The following CASZ1 variants were observed in gnomAD, a reference collection of about 807,000 sequenced individuals.
CASZ1 encodes zinc finger protein castor homolog 1.
A neutral mutation model predicts 135.2 loss-of-function variants in CASZ1; 28 were observed. The observed-to-expected ratio is 0.21, with a 90% CI of 0.15 to 0.28. The LOEUF is 0.28. CASZ1 is among the 10% of genes least tolerant of loss of function. CASZ1 has a pLI of 1.00. For synonymous variants in CASZ1, 1,068 were observed against 1,073.4 expected (o/e 0.99, Z 0.10); for missense variants, 2,161 against 2,453.3 (o/e 0.88, Z 2.52).
chr1:10,658,492 C>T lies in CASZ1; in HGVS notation c.1409+16G>A, dbSNP rs1642886339. 6.2e-7 allele frequency: 1 copy of T among 1,610,524 alleles called. No individual in the cohort carries two copies. The highest frequency in any genetic ancestry group is 1.7e-5 in the Admixed American group (1 of 60,000). On this transcript the variant is annotated intron_variant, in intron 7 of 20. Transcript: ENST00000377022. ...CCCACCTTCTCTCCACGGCAGGCTC[C>T]TCCCCAGGGGCCTACCTGGCAATAT...
At chr1:10,698,134 GGCAGAC>G (rs1322436138) in intron 3 of CASZ1, among the ~76,000 whole-genome samples, 1 of 152,258 alleles carries the variant, frequency 6.6e-6, no homozygotes, top group Non-Finnish European at 1.5e-5. Flanking sequence ...CCGAGTGTAA[GGCAGAC>G]GCAGGGATTG....
chr1:10,642,065 T>C (rs1256092377), intron 20 of CASZ1: 1 of 147,866 alleles, frequency 6.8e-6, no homozygotes, highest in Non-Finnish European at 1.5e-5. Context: ...TTTACTGGAG[T>C]TGGAGTGGCA....
chr1:10,639,133 C>A lies in CASZ1; in HGVS notation c.5089G>T (p.Asp1697Tyr), dbSNP rs1642104341. ...TCCTCGTCGTCGTCGTCCTCGTCGT[C>A]GTCCTCGTCCTCGTCGTCTTCGGCC... ...EEAEDDEDED[D>Y]DEDDDDEDDD... The change falls in exon 21 of 21, where the codon GAC (aspartate) becomes TAC (tyrosine). Residue 1697 changes from aspartate to tyrosine, a missense_variant. Around this residue, in one of 7 missense-constraint regions of CASZ1, gnomAD observed 185 missense variants for 134.7 expected, o/e 1.37. Coordinates refer to ENST00000377022, the MANE Select transcript of CASZ1 (RefSeq NM_001079843.3). This position sits in a 1 kb window ranked among gnomAD's most constrained non-coding sequence, Gnocchi z 4.0. 2 of 1,125,018 alleles carry A rather than the reference C, an allele frequency of 1.8e-6. No individual in the cohort carries two copies. Among genetic ancestry groups the A allele is most frequent in the South Asian group, 2.4e-5 (1 of 41,582 alleles). 69.7% of individuals were successfully genotyped at this position (1,125,018 alleles called of 1,614,324 possible).
chr1:10,772,757 T>C (rs1298195031), intron 1 of CASZ1, among the ~76,000 whole-genome samples: 1 of 152,128 alleles, frequency 6.6e-6, no homozygotes, highest in East Asian at 1.9e-4. Context: ...CAGGTTTGCT[T>C]CACAGACTCT....
rs56322140 is a variant in CASZ1, at chr1:10,654,237, G to C, written c.1839-19C>G. On this transcript the variant is annotated intron_variant, in intron 10 of 20. Coordinates refer to ENST00000377022, the MANE Select transcript of CASZ1 (RefSeq NM_001079843.3). ...GGGGCGCCTGGATGGGACATTGGGA[G>C]CCTGTCATGAGACCCAGAGGAGGCC... is the stretch of plus-strand genomic sequence containing the variant. The C allele has an allele frequency of 0.065, 104,834 of 1,611,756 alleles. 4,389 individuals carry two copies. Among genetic ancestry groups the C allele is most frequent in the Admixed American group, 0.16 (9,814 of 59,928 alleles).
chr1:10,665,278 G>A lies in CASZ1; in HGVS notation c.310C>T (p.Pro104Ser), dbSNP rs773271516. The A allele has an allele frequency of 1.2e-6, 2 of 1,611,940 alleles. No homozygotes were observed. Among genetic ancestry groups the A allele is most frequent in the Admixed American group, 1.7e-5 (1 of 59,852 alleles). The part of the protein sequence containing the change: ...GEYSEEPAPT[P>S]VLGRIAREGL... ...TCGCGGGCAATCCGCCCCAACACGG[G>A]TGTGGGTGCCGGCTCCTCGCTGTAC... The change falls in exon 5 of 21, where the codon CCC (proline) becomes TCC (serine). Residue 104 changes from proline to serine, a missense_variant. By Grantham distance (74) the Pro-to-Ser change is moderately conservative. Around this residue, in one of 7 missense-constraint regions of CASZ1, gnomAD observed 590 missense variants for 609.8 expected, o/e 0.97. Transcript: ENST00000377022.
rs1049021633 is a variant in CASZ1 at position 10,777,406 on chromosome 1, A to G, written c.-233-16549T>C. On this transcript the variant is annotated intron_variant, in intron 1 of 20. Transcript: ENST00000377022. This position sits in a 1 kb window ranked among gnomAD's most constrained non-coding sequence, Gnocchi z 4.4. ...TTTCTCTTATTGGTCAAACCACCGC[A>G]TCATTCCCACAAAATCCTCTGAGCT... Among the ~76,000 whole-genome samples, 1 of 152,218 alleles carries G rather than the reference A, an allele frequency of 6.6e-6. No homozygotes were observed. The highest frequency in any genetic ancestry group is 2.1e-4 in the South Asian group (1 of 4,820).
chr1:10,791,993 A>T (rs1034645693), intron 1 of CASZ1, among the ~76,000 whole-genome samples: 1 of 151,906 alleles, frequency 6.6e-6, no homozygotes, highest in Non-Finnish European at 1.5e-5. Context: ...TCTACTCGTA[A>T]GCCTCTGTTC....
In CASZ1 at chr1:10,654,530, T is replaced by C; in HGVS notation, c.1727A>G (p.Lys576Arg). 4 of 1,614,252 alleles carry C rather than the reference T, an allele frequency of 2.5e-6. No homozygotes were observed. Among genetic ancestry groups the C allele is most frequent in the Non-Finnish European group, 3.4e-6 (4 of 1,180,046 alleles). The change falls in exon 10 of 21, where the codon AAG (lysine) becomes AGG (arginine). Residue 576 changes from lysine to arginine, a missense_variant. Coordinates refer to ENST00000377022, the MANE Select transcript of CASZ1 (RefSeq NM_001079843.3). ...GTCGTTAATGAGCTGGGTATTCTTC[T>C]TGTGGAAGTTCTCGTGGGTCATCAC... is the stretch of plus-strand genomic sequence containing the variant. ...SDVMTHENFH[K>R]KNTQLINDGF... is the part of the protein sequence containing the mutation.
At chr1:10,783,053 G>A (rs1450070566) in intron 1 of CASZ1, among the ~76,000 whole-genome samples, 1 of 152,150 alleles carries the variant, frequency 6.6e-6, no homozygotes, top group Non-Finnish European at 1.5e-5. Flanking sequence ...CAATGCAGGG[G>A]ACTTTTCAGC....
intron 4 of CASZ1, 36 bp from the exon 5 acceptor site, chr1:10,665,607 G>T: frequency 6.7e-7 from 1 of 1,501,656 alleles, no homozygotes; most frequent in Non-Finnish European, 8.9e-7. Context: ...GGTCAGAGGC[G>T]TGCAAGGCCA....
At chr1:10,733,144 G>T (rs1639732807) in intron 2 of CASZ1, among the ~76,000 whole-genome samples, 2 of 152,174 alleles carry the variant, frequency 1.3e-5, no homozygotes, top group Admixed American at 1.3e-4. Flanking sequence ...AGAAAGGAAA[G>T]AAAGAGGGCA....
At chr1:10,661,200 C>A in intron 5 of CASZ1, 1 of 153,340 alleles carries the variant, frequency 6.5e-6, no homozygotes. Context: ...TGGCCTGTGA[C>A]ATAGGACCTG....
At chr1:10,768,756 A>C (rs2100589246) in intron 1 of CASZ1, among the ~76,000 whole-genome samples, 1 of 152,308 alleles carries the variant, frequency 6.6e-6, no homozygotes, top group Non-Finnish European at 1.5e-5. Flanking sequence ...GCCTGGCACC[A>C]ATCAGAGAGC....
At chr1:10,686,519 C>T (rs541028799) in intron 4 of CASZ1, among the ~76,000 whole-genome samples, 1 of 152,306 alleles carries the variant, frequency 6.6e-6, no homozygotes, top group African/African-American at 2.4e-5. Flanking sequence ...AGGACTGGGT[C>T]TTGGGGACAC....
intron 4 of CASZ1, among the ~76,000 whole-genome samples, chr1:10,678,765 C>T (rs1010717979): frequency 6.6e-6 from 1 of 152,022 alleles, no homozygotes; most frequent in Non-Finnish European, 1.5e-5. Flanking sequence ...CCATCCGTCC[C>T]CCGCCTGACA....
intron 1 of CASZ1, among the ~76,000 whole-genome samples, chr1:10,779,787 G>A (rs966528326): frequency 3.9e-5 from 6 of 152,180 alleles, no homozygotes; most frequent in African/African-American, 1.4e-4. Context: ...ATGATAATTT[G>A]TACAGGTGAC....
intron 3 of CASZ1, 71 bp from the exon 4 acceptor site, chr1:10,693,983 C>T (rs1638850276): frequency 2.1e-6 from 3 of 1,450,456 alleles, no homozygotes; most frequent in Admixed American, 1.8e-5. Flanking sequence ...GGGACCCCGG[C>T]CGCCCGCCCT....
At chr1:10,779,578 G>T (rs1284703957) in intron 1 of CASZ1, among the ~76,000 whole-genome samples, 1 of 152,120 alleles carries the variant, frequency 6.6e-6, no homozygotes, top group Admixed American at 6.5e-5. Flanking sequence ...ATAAAATGTT[G>T]TGAAATAAAA....
Sources: allele counts gnomAD v4.1 joint callset (sites outside exome capture counted in the v4.1 genomes callset), GRCh38; gene constraint gnomAD v4.1.1; regional missense constraint gnomAD v4.1.1; non-coding constraint Gnocchi (gnomAD v3.1); transcripts MANE v1.5; gene names NCBI Gene and HGNC (gene_info 2026-07-23, HGNC 2026-07-21).